SRRM4: variants seen among roughly 807,000 people sequenced by gnomAD.
SRRM4 encodes the protein serine/arginine repetitive matrix 4, also known as serine/arginine repetitive matrix protein 4.
Under a neutral mutation model 68.9 loss-of-function variants are expected in SRRM4, and 33 were observed. The ratio of observed to expected loss-of-function variants is 0.48; its 90% CI spans 0.36 to 0.64. The LOEUF (loss-of-function observed/expected upper bound fraction) is 0.64, where lower values mean the gene tolerates loss of function less well. Among genes scored for constraint, SRRM4 ranks in the 30% least tolerant of loss-of-function variants. The pLI, the probability that SRRM4 is intolerant of heterozygous loss-of-function variation, is 0.00. For missense variants in SRRM4, 817 were observed against 827.1 expected (o/e 0.99, Z 0.15); for synonymous variants, 318 against 318.8 (o/e 1.00, Z 0.03).
chr12:118,981,861 C>G lies in SRRM4; in HGVS notation c.-22C>G. ...AGCACTTTGGACAGCGCCCCGGACG[C>G]CCCGGCCCCTTTGGGTTGGCGATGG... is the stretch of plus-strand genomic sequence containing the variant. On this transcript the variant is annotated 5_prime_UTR_variant, in exon 1 of 13. Transcript: ENST00000267260. 2 of 1,610,858 alleles carry G rather than the reference C, an allele frequency of 1.2e-6. No individual in the cohort carries two copies. The highest frequency in any genetic ancestry group is 1.3e-5 in the African/African-American group (1 of 75,010).
At chr12:119,089,032 T>A (rs1327798442) in intron 1 of SRRM4, among the ~76,000 whole-genome samples, 1 of 152,096 alleles carries the variant, frequency 6.6e-6, no homozygotes, top group Non-Finnish European at 1.5e-5. Context: ...AGGATCAGCT[T>A]TTCAGCTCGA....
At chr12:119,137,149 A>AC (rs1264189329) in intron 8 of SRRM4, among the ~76,000 whole-genome samples, 1 of 151,848 alleles carries the variant, frequency 6.6e-6, no homozygotes, top group Admixed American at 6.6e-5. Context: ...TAAAAGCTCT[A>AC]CCATACAGCT....
intron 1 of SRRM4, among the ~76,000 whole-genome samples, chr12:119,019,858 C>T (rs1391490908): frequency 6.6e-6 from 1 of 151,660 alleles, no homozygotes; most frequent in Non-Finnish European, 1.5e-5. Flanking sequence ...GGCAGGGAAG[C>T]CTGAGAGATC....
At chr12:119,136,281 T>C (rs1298275491) in intron 8 of SRRM4, among the ~76,000 whole-genome samples, 2 of 152,240 alleles carry the variant, frequency 1.3e-5, no homozygotes, top group African/African-American at 4.8e-5. Flanking sequence ...AGGGAGAATC[T>C]GGATGGCTCA....
At chr12:119,112,087 T>C (rs1258642888) in intron 2 of SRRM4, among the ~76,000 whole-genome samples, 1 of 152,116 alleles carries the variant, frequency 6.6e-6, no homozygotes, top group Non-Finnish European at 1.5e-5. Flanking sequence ...TAGCCCATCC[T>C]GTTTACACAA....
At chr12:119,069,964 G>T (rs1432837870) in intron 1 of SRRM4, among the ~76,000 whole-genome samples, 2 of 152,136 alleles carry the variant, frequency 1.3e-5, no homozygotes, top group Admixed American at 1.3e-4. Context: ...GAGCCAGGTG[G>T]AGACTAACGT....
chr12:118,995,303 G>A (rs965437526), intron 1 of SRRM4, among the ~76,000 whole-genome samples: 1 of 152,182 alleles, frequency 6.6e-6, no homozygotes, highest in African/African-American at 2.4e-5. Flanking sequence ...TAATGTCAGA[G>A]CCAGAATTTG....
In SRRM4 at chr12:119,102,394, T is replaced by C. The variant is rs1160599939; in HGVS notation, c.278+12T>C. 6.3e-7 allele frequency: 1 copy of C among 1,599,690 alleles called. No homozygotes were observed. The highest frequency in any genetic ancestry group is 1.3e-5 in the African/African-American group (1 of 74,478). On this transcript the variant is annotated intron_variant, in intron 2 of 12. Coordinates refer to ENST00000267260, the MANE Select transcript of SRRM4 (RefSeq NM_194286.4). Reference sequence around the variant, plus strand: ...ACCAGAGGACACAGGTGAGATCCAATGAGGACGTTCAAGTTGAAGATACAG... The same window carrying C: ...ACCAGAGGACACAGGTGAGATCCAACGAGGACGTTCAAGTTGAAGATACAG...
intron 1 of SRRM4, among the ~76,000 whole-genome samples, chr12:119,070,626 G>A (rs1437006691): frequency 1.3e-5 from 2 of 152,076 alleles, no homozygotes; most frequent in African/African-American, 2.4e-5. Context: ...AAGGTGGCAT[G>A]ATATGTCCTA....
At chr12:119,037,014 G>A (rs2136009201) in intron 1 of SRRM4, 1 of 152,288 alleles carries the variant, frequency 6.6e-6, no homozygotes, top group East Asian at 1.9e-4. Flanking sequence ...ATTCCCGAAA[G>A]GTCTTAGAAA....
chr12:119,087,356 A>G (rs1453520813), intron 1 of SRRM4, among the ~76,000 whole-genome samples: 1 of 152,256 alleles, frequency 6.6e-6, no homozygotes, highest in African/African-American at 2.4e-5. Flanking sequence ...AGGCAGGTGA[A>G]AGAAGCCAGG....
chr12:119,043,615 G>C (rs943142228), intron 1 of SRRM4, among the ~76,000 whole-genome samples: 12 of 152,068 alleles, frequency 7.9e-5, no homozygotes, highest in Non-Finnish European at 1.5e-5. Context: ...AGTCCTAGGA[G>C]ACCAAGGAAG....
intron 3 of SRRM4, 85 bp downstream of exon 3, chr12:119,114,449 T>G: frequency 8.8e-7 from 1 of 1,132,436 alleles, no homozygotes. Context: ...TGGCTCCCTC[T>G]TGGGTTCAAA....
chr12:119,015,752 A>T (rs1000868308), intron 1 of SRRM4, among the ~76,000 whole-genome samples: 45 of 152,160 alleles, frequency 3.0e-4, no homozygotes, highest in Non-Finnish European at 7.4e-5. Context: ...AATTCCTCAG[A>T]CACACTATCC....
At chr12:119,053,016 T>G (rs1206310721) in intron 1 of SRRM4, among the ~76,000 whole-genome samples, 13 of 152,256 alleles carry the variant, frequency 8.5e-5, no homozygotes, top group Admixed American at 8.5e-4. Flanking sequence ...AATCTCATGG[T>G]GAGAAAGTGA....
intron 1 of SRRM4, among the ~76,000 whole-genome samples, chr12:119,073,321 T>TG (rs1230839980): frequency 3.4e-5 from 5 of 148,840 alleles, no homozygotes; most frequent in South Asian, 2.1e-4. Flanking sequence ...TCTTTTTTTT[T>TG]TTTGTTTGTT....
chr12:119,038,175 T>C (rs986411334), intron 1 of SRRM4, among the ~76,000 whole-genome samples: 1 of 151,664 alleles, frequency 6.6e-6, no homozygotes, highest in Non-Finnish European at 1.5e-5. Context: ...GCCTTGCTAA[T>C]ACACTTGATT....
chr12:119,023,832 T>C (rs1953530885), intron 1 of SRRM4, among the ~76,000 whole-genome samples: 1 of 152,198 alleles, frequency 6.6e-6, no homozygotes, highest in Non-Finnish European at 1.5e-5. Context: ...CAACATATAA[T>C]AGGTGCTCAA....
rs553024983 is a variant in SRRM4 at position 119,005,041 on chromosome 12, C to A, written c.131+23028C>A. On this transcript the variant is annotated intron_variant, in intron 1 of 12. Transcript: ENST00000267260. ...CTTCAGATTTCGGTGTTTCTGATAC[C>A]ACAAAAACCTATTTGAAATAAACAT... 2.0e-3 allele frequency among the ~76,000 whole-genome samples: 300 copies of A among 152,316 alleles called. 1 individual carries two copies. The highest frequency in any genetic ancestry group is 3.4e-3 in the Middle Eastern group (1 of 294).
Sources: gnomAD v4.1 joint callset for allele counts (sites outside exome capture counted in the v4.1 genomes callset) on GRCh38, gnomAD v4.1.1 for gene constraint, MANE v1.5 for transcripts, NCBI Gene and HGNC (gene_info 2026-07-23, HGNC 2026-07-21) for gene names.